SCN9A: variants seen among roughly 807,000 people sequenced by gnomAD.
SCN9A encodes the protein sodium channel protein type 9 subunit alpha.
In SCN9A, 131 loss-of-function variants were observed where a neutral mutation model predicts 187.0. The ratio of observed to expected loss-of-function variants is 0.70; its 90% CI spans 0.61 to 0.81. The LOEUF (loss-of-function observed/expected upper bound fraction) is 0.81, where lower values mean the gene tolerates loss of function less well. Among genes scored for constraint, SCN9A ranks in the 30% least tolerant of loss-of-function variants. The pLI is 0.00. For missense variants in SCN9A, 2,252 were observed against 2,396.6 expected, an observed-to-expected ratio of 0.94 and a Z score of 1.26; for synonymous variants, 809 against 808.6, an observed-to-expected ratio of 1.00 and a Z score of -0.01.
intron 14 of SCN9A, 142 bp downstream of exon 14, chr2:166,280,215 T>G (rs969116296): frequency 3.4e-6 from 2 of 594,776 alleles, no homozygotes; most frequent in African/African-American, 3.7e-5. Context: ...GAAACTTGAC[T>G]CTACACATCC....
chr2:166,232,761 AGAGAGT>A (rs1695140346), intron 21 of SCN9A, among the ~76,000 whole-genome samples: 1 of 136,392 alleles, frequency 7.3e-6, no homozygotes. Flanking sequence ...ATAGAGAGAG[AGAGAGT>A]ATGCATATAT....
chr2:166,242,217 A>G (rs1210764455), intron 19 of SCN9A, among the ~76,000 whole-genome samples: 3 of 151,142 alleles, frequency 2.0e-5, no homozygotes. Context: ...TATGCCACAG[A>G]CTCTCTCCCT....
At chr2:166,281,849 A>G in intron 12 of SCN9A, 41 bp from the exon 13 acceptor site, 1 of 1,562,464 alleles carries the variant, frequency 6.4e-7, no homozygotes, top group East Asian at 2.3e-5. Flanking sequence ...ACAGAATCCT[A>G]ATAAATTGTA....
intron 24 of SCN9A, among the ~76,000 whole-genome samples, chr2:166,209,207 T>A (rs1354754893): frequency 6.6e-6 from 1 of 152,174 alleles, no homozygotes; most frequent in Non-Finnish European, 1.5e-5. Context: ...TGACATTGTG[T>A]CGGATGGCTG....
chr2:166,373,367 A>C (rs1245868952), intron 1 of SCN9A, among the ~76,000 whole-genome samples: 3 of 144,162 alleles, frequency 2.1e-5, no homozygotes, highest in Non-Finnish European at 4.5e-5. Flanking sequence ...GGGAGACAGG[A>C]TGGTATTGCT....
intron 1 of SCN9A, among the ~76,000 whole-genome samples, chr2:166,326,374 G>C (rs935199039): frequency 6.6e-6 from 1 of 151,958 alleles, no homozygotes; most frequent in African/African-American, 2.4e-5. Context: ...GAATTATAAG[G>C]GTATCTCAGT....
In SCN9A at chr2:166,307,083, G is replaced by C. The variant is rs778321318; in HGVS notation, c.259-9C>G. On this transcript the variant is annotated splice_polypyrimidine_tract_variant and intron_variant, in intron 2 of 26. Transcript: ENST00000642356. ...TTCAATACTATGAAAGTCTGCAGGA[G>C]GAAAAAGAAAGGATGAAATTGAGAA... The C allele has an allele frequency of 8.1e-6, 12 of 1,483,164 alleles. No individual in the cohort carries two copies. The highest frequency in any genetic ancestry group is 1.7e-4 in the Middle Eastern group (1 of 5,770). The allele number at this position is 1,483,164 out of a possible 1,614,324, so 91.9% of individuals were successfully genotyped here.
At chr2:166,225,349 C>T (rs1211348281) in intron 24 of SCN9A, among the ~76,000 whole-genome samples, 2 of 152,094 alleles carry the variant, frequency 1.3e-5, no homozygotes, top group Admixed American at 1.3e-4. Context: ...TATTTTTACT[C>T]TGACTGTCAT....
At chr2:166,321,793 CTTTTTTTT>C (rs142400656) in intron 1 of SCN9A, among the ~76,000 whole-genome samples, 1 of 118,794 alleles carries the variant, frequency 8.4e-6, no homozygotes, top group African/African-American at 3.3e-5. Flanking sequence ...CTGGCAAAAT[CTTTTTTTT>C]TTTTTTTTTT....
rs1003600508 is a variant in SCN9A at position 166,242,757 on chromosome 2, C to G, written c.3473-101G>C. The G allele has an allele frequency of 5.1e-5, 40 of 780,344 alleles. No individual in the cohort carries two copies. The Middle Eastern group carries it at 8.3e-4, about 16-fold the overall frequency. 48.3% of individuals were successfully genotyped at this position (780,344 alleles called of 1,614,324 possible). On this transcript the variant is annotated intron_variant, in intron 18 of 26. Coordinates refer to ENST00000642356, the MANE Select transcript of SCN9A (RefSeq NM_001365536.1). ...CTGCTTTCTGTGATACTCCCTCAACCAAATAATTTCAACACCTATACTTGC... is the reference window on the plus strand; with the variant it reads ...CTGCTTTCTGTGATACTCCCTCAACGAAATAATTTCAACACCTATACTTGC...
rs111404258 is a variant in SCN9A at position 166,311,680 on chromosome 2, C to A, written c.77G>T (p.Arg26Leu). The change falls in exon 2 of 27, where the codon CGC (arginine) becomes CTC (leucine). Residue 26 changes from arginine (R) to leucine (L), a missense_variant. This residue lies in a region of SCN9A where 1,013 missense variants were observed against 997.4 expected (regional missense o/e 1.02). Transcript: ENST00000642356. ...TKQSLALIEQ[R>L]IAERKSKEPK... ...TTCCTTTGATTTTCTTTCAGCAATG[C>A]GTTGTTCAATGAGGGCAAGAGACTG... 9 of 1,613,094 alleles carry A rather than the reference C, an allele frequency of 5.6e-6. No individual in the cohort carries two copies. The highest frequency in any genetic ancestry group is 2.2e-5 in the East Asian group (1 of 44,806).
At chr2:166,219,111 T>G (rs1394705607) in intron 24 of SCN9A, among the ~76,000 whole-genome samples, 1 of 152,164 alleles carries the variant, frequency 6.6e-6, no homozygotes, top group Non-Finnish European at 1.5e-5. Flanking sequence ...GCCTACACAC[T>G]GTTGATGGGA....
intron 2 of SCN9A, among the ~76,000 whole-genome samples, chr2:166,307,715 T>A (rs1250273522): frequency 6.6e-6 from 1 of 152,148 alleles, no homozygotes; most frequent in Non-Finnish European, 1.5e-5. Flanking sequence ...ACGATATGAA[T>A]AGAAGCAAAC....
intron 12 of SCN9A, among the ~76,000 whole-genome samples, chr2:166,283,700 A>C (rs1318782320): frequency 2.6e-5 from 4 of 152,168 alleles, no homozygotes; most frequent in Non-Finnish European, 5.9e-5. Context: ...TCCAGATGAA[A>C]TATTTTTTAA....
chr2:166,295,413 C>A (rs929746144), intron 7 of SCN9A, among the ~76,000 whole-genome samples: 3 of 152,128 alleles, frequency 2.0e-5, no homozygotes, highest in African/African-American at 7.2e-5. Context: ...TCCTAGGGTG[C>A]ACTTATACAA....
chr2:166,201,423 A>G (rs574955705), intron 26 of SCN9A, among the ~76,000 whole-genome samples: 21 of 146,424 alleles, frequency 1.4e-4, no homozygotes, highest in East Asian at 6.0e-4. Context: ...TATAGTATGC[A>G]TATACTATAT....
In SCN9A at chr2:166,222,945, C is replaced by CAAAAAAAAAAA. The variant is rs1309168684; in HGVS notation, c.4398+3611_4398+3621dup. The stretch of plus-strand genomic sequence containing the variant: ...AACTCCGTCTCAAAAAAAAAAACAA[C>CAAAAAAAAAAA]AAAAAAAAAAAAAAAAAAAAAAAAA... On this transcript the variant is annotated intron_variant, in intron 24 of 26. Coordinates refer to ENST00000642356, the MANE Select transcript of SCN9A (RefSeq NM_001365536.1). Among the ~76,000 whole-genome samples, 356 of 44,856 alleles carry CAAAAAAAAAAA rather than the reference C, an allele frequency of 7.9e-3. 38 individuals are homozygous for CAAAAAAAAAAA. Among genetic ancestry groups the CAAAAAAAAAAA allele is most frequent in the Non-Finnish European group, 9.8e-3 (247 of 25,118 alleles). The allele number at this position is 44,856 out of a possible 152,430, so 29.4% of individuals were successfully genotyped here.
chr2:166,201,206 CTA>C (rs1012394190), intron 26 of SCN9A, among the ~76,000 whole-genome samples: 1 of 140,482 alleles, frequency 7.1e-6, no homozygotes, highest in Non-Finnish European at 1.5e-5. Flanking sequence ...TACACACATA[CTA>C]TATATATACA....
chr2:166,285,796 A>G (rs1697711826), intron 11 of SCN9A, among the ~76,000 whole-genome samples: 1 of 152,202 alleles, frequency 6.6e-6, no homozygotes, highest in Non-Finnish European at 1.5e-5. Flanking sequence ...TGAAGGTTTC[A>G]GTGAAAAGAG....
Sources: allele counts gnomAD v4.1 joint callset (sites outside exome capture counted in the v4.1 genomes callset), GRCh38; gene constraint gnomAD v4.1.1; regional missense constraint gnomAD v4.1.1; transcripts MANE v1.5; gene names NCBI Gene and HGNC (gene_info 2026-07-23, HGNC 2026-07-21).